TAFA4: variants seen among roughly 807,000 people sequenced by gnomAD.
TAFA4 encodes the protein TAFA chemokine like family member 4.
A neutral mutation model predicts 21.1 loss-of-function variants in TAFA4; 20 were observed. The ratio of observed to expected loss-of-function variants is 0.95; its 90% CI spans 0.67 to 1.38. TAFA4 has a LOEUF of 1.38. Among genes scored for constraint, TAFA4 ranks in the 40% most tolerant of loss-of-function variants. The pLI is 0.00. For synonymous variants in TAFA4, 71 were observed against 67.4 expected, an observed-to-expected ratio of 1.05 and a Z score of -0.26; for missense variants, 211 against 180.9, an observed-to-expected ratio of 1.17 and a Z score of -0.95.
intron 1 of TAFA4, among the ~76,000 whole-genome samples, chr3:68,891,072 T>C (rs183520592): frequency 3.1e-3 from 468 of 152,216 alleles, no homozygotes; most frequent in Non-Finnish European, 4.4e-3. Context: ...TTCACCACCA[T>C]TTTTTTAAAC....
intron 3 of TAFA4, among the ~76,000 whole-genome samples, chr3:68,801,872 A>G (rs1441850823): frequency 1.4e-5 from 2 of 147,040 alleles, no homozygotes. Context: ...TTATAGGTGG[A>G]AAAAAATCCA....
chr3:68,858,356 C>T (rs546366973), intron 3 of TAFA4, among the ~76,000 whole-genome samples: 91 of 152,122 alleles, frequency 6.0e-4, no homozygotes, highest in African/African-American at 2.0e-3. Flanking sequence ...GTTATTAATG[C>T]TGGAACGCAG....
At chr3:68,887,527 A>T (rs2089685587) in intron 1 of TAFA4, among the ~76,000 whole-genome samples, 1 of 152,004 alleles carries the variant, frequency 6.6e-6, no homozygotes, top group South Asian at 2.1e-4. Context: ...CCTTGTAACA[A>T]CTTTCTGCCA....
intron 3 of TAFA4, among the ~76,000 whole-genome samples, chr3:68,862,609 G>C (rs2089360086): frequency 6.6e-6 from 1 of 152,022 alleles, no homozygotes; most frequent in Non-Finnish European, 1.5e-5. Context: ...ATTTCCAATA[G>C]TGATGTGCAC....
chr3:68,866,064 G>A (rs771275859), intron 3 of TAFA4, among the ~76,000 whole-genome samples: 1 of 152,066 alleles, frequency 6.6e-6, no homozygotes, highest in Non-Finnish European at 1.5e-5. Context: ...AGGAAACACA[G>A]CAAGTGCCGG....
chr3:68,757,095 C>A (rs1407297475), intron 3 of TAFA4, among the ~76,000 whole-genome samples: 1 of 152,140 alleles, frequency 6.6e-6, no homozygotes, highest in Non-Finnish European at 1.5e-5. Context: ...GCTGCCATAA[C>A]AAAATACCAT....
In TAFA4 at chr3:68,739,134, C is replaced by T; in HGVS notation, c.352G>A (p.Val118Met). 2 of 1,614,024 alleles carry T rather than the reference C, an allele frequency of 1.2e-6. No individual in the cohort carries two copies. Among genetic ancestry groups the T allele is most frequent in the South Asian group, 1.1e-5 (1 of 91,072 alleles). ...NPCLEGEDCK[V>M]LPDYSGWSCS... The stretch of plus-strand genomic sequence containing the variant: ...GACCAACCTGAGTAATCTGGCAGCA[C>T]TTTACAATCCTCTCCTTCCAAACAC... The change falls in exon 5 of 6, where the codon GTG becomes ATG. Residue 118 changes from valine to methionine, a missense_variant. Physicochemically the swap from Val to Met is conservative, Grantham distance 21. Transcript: ENST00000295569.
At chr3:68,873,927 G>C (rs958603556) in intron 3 of TAFA4, among the ~76,000 whole-genome samples, 6 of 152,152 alleles carry the variant, frequency 3.9e-5, no homozygotes, top group Non-Finnish European at 7.3e-5. Flanking sequence ...CCAGGTAGCT[G>C]TGCAATGTCA....
chr3:68,774,859 G>A (rs1703021121), intron 3 of TAFA4, among the ~76,000 whole-genome samples: 2 of 152,228 alleles, frequency 1.3e-5, no homozygotes, highest in Admixed American at 1.3e-4. Context: ...AGGAAATTGT[G>A]TAGCTAAAAT....
intron 3 of TAFA4, among the ~76,000 whole-genome samples, chr3:68,771,166 C>A (rs1702950047): frequency 6.6e-6 from 1 of 152,202 alleles, no homozygotes; most frequent in African/African-American, 2.4e-5. Context: ...CTCAATAAAA[C>A]CTTGCACTCA....
chr3:68,905,415 G>T lies in TAFA4; in HGVS notation c.-122-20105C>A, dbSNP rs112956052. 1.8e-4 allele frequency among the ~76,000 whole-genome samples: 28 copies of T among 152,058 alleles called. No individual in the cohort carries two copies. The South Asian group carries it at 5.6e-3, about 30-fold the overall frequency. On this transcript the variant is annotated intron_variant, in intron 1 of 5. Coordinates refer to ENST00000295569, the MANE Select transcript of TAFA4 (RefSeq NM_182522.5). ...GATCTCCTGACCTCATGATCCGTCCGCCTCGGCCTCCCAAAGTATTTGGAT... is the reference window on the plus strand; with the variant it reads ...GATCTCCTGACCTCATGATCCGTCCTCCTCGGCCTCCCAAAGTATTTGGAT...
chr3:68,917,311 G>C (rs557437502), intron 1 of TAFA4, among the ~76,000 whole-genome samples: 1 of 152,104 alleles, frequency 6.6e-6, no homozygotes, highest in African/African-American at 2.4e-5. Context: ...GATATAAACA[G>C]CACCTCAACT....
intron 1 of TAFA4, among the ~76,000 whole-genome samples, chr3:68,910,578 C>A (rs1029480201): frequency 2.0e-5 from 3 of 152,220 alleles, no homozygotes; most frequent in African/African-American, 7.2e-5. Flanking sequence ...AAGCCATCAT[C>A]CACTCTATAG....
In TAFA4 at chr3:68,902,232, G is replaced by A. The variant is rs187551048; in HGVS notation, c.-122-16922C>T. Among the ~76,000 whole-genome samples the A allele has an allele frequency of 2.4e-3, 342 of 145,174 alleles. 2 individuals carry two copies. Among genetic ancestry groups the A allele is most frequent in the African/African-American group, 8.0e-3 (329 of 41,260 alleles). On this transcript the variant is annotated intron_variant, in intron 1 of 5. Transcript: ENST00000295569. Reference sequence around the variant, plus strand: ...TGGCAAAGCTAGAATATGAAGCCAGGTTCCCAAGTCTGCCCTCTTAACCAT... The same window carrying A: ...TGGCAAAGCTAGAATATGAAGCCAGATTCCCAAGTCTGCCCTCTTAACCAT...
chr3:68,855,396 A>G (rs949454750), intron 3 of TAFA4, among the ~76,000 whole-genome samples: 1 of 152,178 alleles, frequency 6.6e-6, no homozygotes, highest in Non-Finnish European at 1.5e-5. Context: ...TCAACTTTTC[A>G]TTTAATTCCA....
chr3:68,766,641 G>A (rs1475008116), intron 3 of TAFA4, among the ~76,000 whole-genome samples: 3 of 151,678 alleles, frequency 2.0e-5, no homozygotes, highest in Admixed American at 1.3e-4. Flanking sequence ...CAATCCAGAT[G>A]TCCCCGAATC....
chr3:68,884,995 G>A (rs1019415563), intron 2 of TAFA4, among the ~76,000 whole-genome samples, 180 bp downstream of exon 2: 2 of 152,056 alleles, frequency 1.3e-5, no homozygotes, highest in Non-Finnish European at 2.9e-5. Flanking sequence ...TTTGCAAACT[G>A]AAATAATTTT....
intron 1 of TAFA4, among the ~76,000 whole-genome samples, chr3:68,909,610 C>T (rs1575668939): frequency 6.6e-6 from 1 of 152,310 alleles, no homozygotes; most frequent in African/African-American, 2.4e-5. Flanking sequence ...ATGGAAGATC[C>T]AGGCTCCACC....
At chr3:68,799,537 T>A (rs181854105) in intron 3 of TAFA4, among the ~76,000 whole-genome samples, 3 of 152,312 alleles carry the variant, frequency 2.0e-5, no homozygotes. Flanking sequence ...GGCTTTGCAG[T>A]TGTGATTAAA....
Sources: gnomAD v4.1 joint callset for allele counts (sites outside exome capture counted in the v4.1 genomes callset) on GRCh38, gnomAD v4.1.1 for gene constraint, MANE v1.5 for transcripts, NCBI Gene and HGNC (gene_info 2026-07-23, HGNC 2026-07-21) for gene names.